CTHRC1: variants seen among roughly 807,000 people sequenced by gnomAD.
The protein encoded by CTHRC1 is collagen triple helix repeat-containing protein 1.
In CTHRC1, 21 loss-of-function variants were observed where a neutral mutation model predicts 25.9. The ratio of observed to expected loss-of-function variants is 0.81; its 90% CI spans 0.57 to 1.17. CTHRC1 has a LOEUF of 1.17. CTHRC1 is among the 50% of genes most tolerant of loss of function. CTHRC1 has a pLI of 0.00. For missense variants in CTHRC1, 281 were observed against 304.3 expected (o/e 0.92, Z 0.57); for synonymous variants, 109 against 113.1 (o/e 0.96, Z 0.23).
intron 2 of CTHRC1, chr8:103,377,326 A>AT (rs2130402636): frequency 1.3e-5 from 2 of 152,818 alleles, no homozygotes; most frequent in African/African-American, 4.8e-5. Context: ...CCATGAAGGT[A>AT]GGGATTCTGG....
rs927379754 is a variant in CTHRC1, at chr8:103,382,611, T to G, written c.*11T>G. ...GAACTACCAAAATAAATGCTTTAAT[T>G]TTCATTTGCTACCTCTTTTTTTATT... On this transcript the variant is annotated 3_prime_UTR_variant, in exon 4 of 4. Coordinates refer to ENST00000330295, the MANE Select transcript of CTHRC1 (RefSeq NM_138455.4). The G allele has an allele frequency of 1.2e-6, 2 of 1,605,418 alleles. No homozygotes were observed. Among genetic ancestry groups the G allele is most frequent in the Non-Finnish European group, 1.7e-6 (2 of 1,172,260 alleles).
At chr8:103,378,486 G>T (rs1815849000) in intron 3 of CTHRC1, among the ~76,000 whole-genome samples, 1 of 152,214 alleles carries the variant, frequency 6.6e-6, no homozygotes, top group African/African-American at 2.4e-5. Context: ...CACAGCTTCT[G>T]TGTTTTTTAA....
intron 3 of CTHRC1, among the ~76,000 whole-genome samples, chr8:103,381,284 C>G (rs1485272017): frequency 6.7e-6 from 1 of 148,978 alleles, no homozygotes; most frequent in Non-Finnish European, 1.5e-5. Flanking sequence ...TGTGATGTTC[C>G]CCGCCCTGTG....
intron 3 of CTHRC1, among the ~76,000 whole-genome samples, chr8:103,379,979 AG>A (rs1482430252): frequency 6.6e-6 from 1 of 152,222 alleles, no homozygotes; most frequent in African/African-American, 2.4e-5. Context: ...TCAGGAGAGC[AG>A]AAACCAACGC....
intron 1 of CTHRC1, chr8:103,372,464 G>C (rs1815724597): frequency 6.4e-7 from 1 of 1,564,186 alleles, no homozygotes; most frequent in Non-Finnish European, 8.6e-7. Context: ...GGAAATGAAG[G>C]GGCCCGGCGC....
rs908393007 is a variant in CTHRC1, at chr8:103,375,899, C to G, written c.312C>G (p.Pro104=). ...LRESFEESWT[P]NYKQCSWSSL... ...AAAGCTTTGAGGAGTCCTGGACACC[C>G]AACTACAAGCAGTGTTCATGGAGTT... is the stretch of plus-strand genomic sequence containing the variant. Residue 104 remains proline (P), a synonymous_variant, in exon 2 of 4, where the codon CCC becomes CCG. Transcript: ENST00000330295. The G allele has an allele frequency of 1.6e-5, 26 of 1,613,922 alleles. No homozygotes were observed. Among genetic ancestry groups the G allele is most frequent in the Middle Eastern group, 1.6e-4 (1 of 6,084 alleles).
intron 1 of CTHRC1, among the ~76,000 whole-genome samples, chr8:103,373,914 G>T (rs1027533109): frequency 6.6e-6 from 1 of 151,936 alleles, no homozygotes; most frequent in Non-Finnish European, 1.5e-5. Context: ...TGAAATGTAT[G>T]TCTAAACATT....
At chr8:103,382,020 G>T (rs115945247) in intron 3 of CTHRC1, among the ~76,000 whole-genome samples, 1,680 of 151,712 alleles carry the variant, frequency 0.011, 33 homozygotes, top group African/African-American at 0.038. Context: ...AAGTTATTTC[G>T]TCTACTTGTC....
In CTHRC1 at chr8:103,378,334, G is replaced by A. The variant is rs1037839098; in HGVS notation, c.589+91G>A. The A allele has an allele frequency of 2.9e-6, 3 of 1,023,272 alleles. No homozygotes were observed. The African/African-American group carries it at 4.7e-5, about 16-fold the overall frequency. The allele number at this position is 1,023,272 out of a possible 1,614,324, so 63.4% of individuals were successfully genotyped here. On this transcript the variant is annotated intron_variant, in intron 3 of 3. Transcript: ENST00000330295. The stretch of plus-strand genomic sequence containing the variant: ...TATCATGTTGGTTCACTAGCCTACT[G>A]TAAAGGGACCTCTAGCAAGTTTTCA...
intron 3 of CTHRC1, among the ~76,000 whole-genome samples, chr8:103,379,867 C>G (rs1815874923): frequency 6.6e-6 from 1 of 152,202 alleles, no homozygotes; most frequent in African/African-American, 2.4e-5. Flanking sequence ...CAGATCCCCA[C>G]AATATCCTTG....
chr8:103,372,728 C>A, intron 1 of CTHRC1: 2 of 1,343,164 alleles, frequency 1.5e-6, no homozygotes, highest in African/African-American at 1.4e-5. Flanking sequence ...GGTTCTCTGG[C>A]CTGTGGTATG....
At chr8:103,376,038 ATT>A in intron 2 of CTHRC1, 79 bp downstream of exon 2, 2 of 1,108,796 alleles carry the variant, frequency 1.8e-6, no homozygotes, top group South Asian at 1.4e-5. Context: ...GTGACATTTT[ATT>A]TTTTTTTAAC....
At chr8:103,381,375 G>C (rs1325064883) in intron 3 of CTHRC1, among the ~76,000 whole-genome samples, 2 of 150,840 alleles carry the variant, frequency 1.3e-5, no homozygotes, top group Non-Finnish European at 2.9e-5. Flanking sequence ...TCATTTTCTT[G>C]AATCTGCCAA....
In CTHRC1 at chr8:103,378,120, C is replaced by G. The variant is rs764595813; in HGVS notation, c.466C>G (p.Arg156Gly). Residue 156 changes from arginine (R) to glycine (G), a missense_variant, in exon 3 of 4, where the codon CGT becomes GGT. Transcript: ENST00000330295. ...AAAATGCAGAAATGCATGCTGTCAG[C>G]GTTGGTATTTCACATTCAATGGAGC... is the stretch of plus-strand genomic sequence containing the variant. ...RLKCRNACCQ[R>G]WYFTFNGAEC... 1.2e-6 allele frequency: 2 copies of G among 1,613,958 alleles called. No individual in the cohort carries two copies. Among genetic ancestry groups the G allele is most frequent in the African/African-American group, 2.7e-5 (2 of 74,922 alleles).
chr8:103,377,209 C>T (rs1815819249), intron 2 of CTHRC1: 1 of 152,154 alleles, frequency 6.6e-6, no homozygotes, highest in African/African-American at 2.4e-5. Flanking sequence ...TAGATAAAGA[C>T]TAAAAACCCT....
Position 103,378,041 on chromosome 8 carries a change from A to G in CTHRC1, c.387A>G (p.Thr129=). The change falls in exon 3 of 4, where the codon ACA becomes ACG. Residue 129 remains threonine, a synonymous_variant. Coordinates refer to ENST00000330295, the MANE Select transcript of CTHRC1 (RefSeq NM_138455.4). ...GTTTGTGACAGGAGTGTACATTTAC[A>G]AAGATGCGTTCAAATAGTGCTCTAA... ...DLGKIAECTF[T]KMRSNSALRV... The G allele has an allele frequency of 6.2e-7, 1 of 1,613,594 alleles. No homozygotes were observed. Among genetic ancestry groups the G allele is most frequent in the Non-Finnish European group, 8.5e-7 (1 of 1,179,458 alleles).
chr8:103,382,565 G>C lies in CTHRC1; in HGVS notation c.697G>C (p.Val233Leu), dbSNP rs773573431. The C allele has an allele frequency of 1.2e-6, 2 of 1,613,584 alleles. No homozygotes were observed. The highest frequency in any genetic ancestry group is 3.3e-5 in the Admixed American group (2 of 60,022). ...AGATGCTTCTACTGGATGGAATTCA[G>C]TTTCTCGCATCATTATTGAAGAACT... ...KGDASTGWNSVSRIIIEELPK is the reference protein window; with the variant it reads ...KGDASTGWNSLSRIIIEELPK The change falls in exon 4 of 4, where the codon GTT (valine) becomes CTT (leucine). Residue 233 changes from valine to leucine, a missense_variant. Transcript: ENST00000330295.
chr8:103,372,561 C>T (rs1458981250), intron 1 of CTHRC1: 1 of 1,598,216 alleles, frequency 6.3e-7, no homozygotes, highest in East Asian at 2.2e-5. Context: ...TATGTGGCCG[C>T]CAGGTAGGAG....
At position 103,375,796 on chromosome 8, in the gene CTHRC1, G is replaced by A. The variant is rs767275808; in HGVS notation, c.209G>A (p.Gly70Glu). The A allele has an allele frequency of 6.2e-7, 1 of 1,614,036 alleles. No individual in the cohort carries two copies. The highest frequency in any genetic ancestry group is 1.1e-5 in the South Asian group (1 of 91,076). Reference sequence around the variant, plus strand: ...GTGCCTGGTCGAGACGGGAGCCCTGGGGCCAATGGCATTCCGGGTACACCT... The same window carrying A: ...GTGCCTGGTCGAGACGGGAGCCCTGAGGCCAATGGCATTCCGGGTACACCT... ...AGVPGRDGSP[G>E]ANGIPGTPGI... The change falls in exon 2 of 4, where the codon GGG (glycine) becomes GAG (glutamate). Residue 70 changes from glycine (G) to glutamate (E), a missense_variant. Coordinates refer to ENST00000330295, the MANE Select transcript of CTHRC1 (RefSeq NM_138455.4).
Sources: gnomAD v4.1 joint callset for allele counts (sites outside exome capture counted in the v4.1 genomes callset) on GRCh38, gnomAD v4.1.1 for gene constraint, MANE v1.5 for transcripts, NCBI Gene and HGNC (gene_info 2026-07-23, HGNC 2026-07-21) for gene names.